The following ADGRL2 variants were observed in gnomAD, a reference collection of about 807,000 sequenced individuals.
ADGRL2 encodes the protein adhesion G protein-coupled receptor L2.
In ADGRL2, 44 loss-of-function variants were observed where a neutral mutation model predicts 157.4. The ratio of observed to expected loss-of-function variants is 0.28; its 90% CI spans 0.22 to 0.36. The LOEUF (loss-of-function observed/expected upper bound fraction) is 0.36, where lower values mean the gene tolerates loss of function less well. Among genes scored for constraint, ADGRL2 ranks in the 10% least tolerant of loss-of-function variants. The pLI is 1.00. For synonymous variants in ADGRL2, 585 were observed against 624.7 expected (o/e 0.94, Z 0.95); for missense variants, 1,510 against 1,768.9 (o/e 0.85, Z 2.63).
At chr1:81,570,615 C>T (rs1184350701) in intron 2 of ADGRL2, among the ~76,000 whole-genome samples, 1 of 152,152 alleles carries the variant, frequency 6.6e-6, no homozygotes, top group African/African-American at 2.4e-5. Flanking sequence ...TCTCGAACTC[C>T]TGACCTCGGG....
rs372448293 is a variant in ADGRL2, at chr1:81,963,057, T to C, written c.2018-3001T>C. 9.9e-5 allele frequency among the ~76,000 whole-genome samples: 15 copies of C among 152,240 alleles called. No homozygotes were observed. In the East Asian group the frequency reaches 1.7e-3, roughly 18 times the overall value. On this transcript the variant is annotated intron_variant, in intron 11 of 23. Coordinates refer to ENST00000686636, the MANE Select transcript of ADGRL2 (RefSeq NM_001366006.2). Reference sequence around the variant, plus strand: ...GTTGCATTCTCCCAAATAACAGCATTATGTAATTCTTCATTTTTTTCTTAG... The same window carrying C: ...GTTGCATTCTCCCAAATAACAGCATCATGTAATTCTTCATTTTTTTCTTAG...
intron 1 of ADGRL2, among the ~76,000 whole-genome samples, chr1:81,339,582 TTG>T (rs1366003879): frequency 8.5e-6 from 1 of 117,802 alleles, no homozygotes; most frequent in African/African-American, 4.4e-5. Context: ...TGGGGTTGTT[TTG>T]TTTGTTTGTT....
At position 81,823,126 on chromosome 1, in the gene ADGRL2, GT is replaced by G. The variant is rs546729662; in HGVS notation, c.-100-13747del. 2.4e-3 allele frequency among the ~76,000 whole-genome samples: 346 copies of G among 144,586 alleles called. 2 individuals are homozygous for G. The highest frequency in any genetic ancestry group is 7.3e-3 in the Middle Eastern group (2 of 274). 94.9% of individuals were successfully genotyped at this position (144,586 alleles called of 152,430 possible). ...TAGGAGGTCTCCGAGTTAGTTCCCAGTTTTTTTTTTTTAATTTAACTTTCTT... is the reference window on the plus strand; with the variant it reads ...TAGGAGGTCTCCGAGTTAGTTCCCAGTTTTTTTTTTTAATTTAACTTTCTT... On this transcript the variant is annotated intron_variant, in intron 1 of 23. Transcript: ENST00000686636.
chr1:81,963,741 T>C (rs1464385199), intron 11 of ADGRL2, among the ~76,000 whole-genome samples: 1 of 151,490 alleles, frequency 6.6e-6, no homozygotes, highest in African/African-American at 2.4e-5. Flanking sequence ...ATTTAATTTG[T>C]CCAGGATATT....
At chr1:81,566,839 AATATTTCTCG>A (rs1461112079) in intron 2 of ADGRL2, among the ~76,000 whole-genome samples, 4 of 152,130 alleles carry the variant, frequency 2.6e-5, no homozygotes, top group Admixed American at 2.0e-4. Context: ...TTATTCTGAA[AATATTTCTCG>A]ATATTTCAGT....
At position 81,836,952 on chromosome 1, in the gene ADGRL2, G is replaced by A; in HGVS notation, c.-33G>A. 1 of 1,323,350 alleles carries A rather than the reference G, an allele frequency of 7.6e-7. No individual in the cohort carries two copies. The highest frequency in any genetic ancestry group is 1.1e-6 in the Non-Finnish European group (1 of 946,322). 82.0% of individuals were successfully genotyped at this position (1,323,350 alleles called of 1,614,324 possible). ...GGGCATTTATAACTAGATTCATTAA[G>A]GAATACAAAGAAAATACTTAAAGGG... On this transcript the variant is annotated 5_prime_UTR_variant, in exon 2 of 24. Transcript: ENST00000686636.
chr1:81,615,201 T>A (rs2081618528), intron 3 of ADGRL2, among the ~76,000 whole-genome samples: 1 of 152,130 alleles, frequency 6.6e-6, no homozygotes, highest in Admixed American at 6.5e-5. Flanking sequence ...GTACTCTGTA[T>A]CTAGCTAAAG....
intron 1 of ADGRL2, among the ~76,000 whole-genome samples, chr1:81,807,663 G>A (rs951961864): frequency 1.3e-5 from 2 of 151,906 alleles, no homozygotes; most frequent in African/African-American, 2.4e-5. Flanking sequence ...GGAGTAACAA[G>A]GGTCTGTCAA....
intron 3 of ADGRL2, among the ~76,000 whole-genome samples, chr1:81,586,531 T>C (rs140144472): frequency 2.1e-4 from 32 of 152,242 alleles, no homozygotes; most frequent in Non-Finnish European, 4.1e-4. Context: ...CTTTTAATAA[T>C]ATACTGGGTT....
chr1:81,975,286 A>G (rs1053605285), intron 17 of ADGRL2, among the ~76,000 whole-genome samples: 9 of 152,226 alleles, frequency 5.9e-5, no homozygotes, highest in Admixed American at 6.6e-5. Flanking sequence ...CCAAGTTTAG[A>G]CAAATGTTTG....
chr1:81,363,431 GA>G (rs2076011988), intron 1 of ADGRL2, among the ~76,000 whole-genome samples: 1 of 152,016 alleles, frequency 6.6e-6, no homozygotes, highest in African/African-American at 2.4e-5. Context: ...ATTAAAAAAA[GA>G]AACAATGTGT....
chr1:81,954,734 G>A (rs557554601), intron 10 of ADGRL2, among the ~76,000 whole-genome samples: 6 of 152,298 alleles, frequency 3.9e-5, no homozygotes, highest in Admixed American at 2.6e-4. Flanking sequence ...CAGGAAGGTC[G>A]TGGTGTCTCA....
At chr1:81,721,239 C>T (rs2084307765) in intron 1 of ADGRL2, among the ~76,000 whole-genome samples, 1 of 151,514 alleles carries the variant, frequency 6.6e-6, no homozygotes, top group South Asian at 2.1e-4. Flanking sequence ...GCATGTCACT[C>T]TCATCTCTGA....
intron 3 of ADGRL2, among the ~76,000 whole-genome samples, chr1:81,918,797 G>A (rs1045766027): frequency 6.6e-6 from 1 of 152,092 alleles, no homozygotes; most frequent in Non-Finnish European, 1.5e-5. Flanking sequence ...GTATTAGAAA[G>A]GAATATCAGG....
intron 1 of ADGRL2, among the ~76,000 whole-genome samples, chr1:81,749,157 ACT>A (rs2085409436): frequency 6.6e-6 from 1 of 151,876 alleles, no homozygotes; most frequent in South Asian, 2.1e-4. Flanking sequence ...TGTTACCTCA[ACT>A]CTTTCTTTCC....
At chr1:81,552,581 G>A (rs1404898330) in intron 2 of ADGRL2, among the ~76,000 whole-genome samples, 3 of 134,254 alleles carry the variant, frequency 2.2e-5, no homozygotes, top group Non-Finnish European at 3.1e-5. Context: ...TGCTAACCAC[G>A]TAGAGTATAT....
chr1:81,755,965 T>C (rs1189102961), intron 1 of ADGRL2, among the ~76,000 whole-genome samples: 1 of 152,168 alleles, frequency 6.6e-6, no homozygotes, highest in Non-Finnish European at 1.5e-5. Flanking sequence ...TAAATTAGGT[T>C]CCTCATTTTA....
At chr1:81,707,870 G>T (rs973994198) in intron 1 of ADGRL2, among the ~76,000 whole-genome samples, 1 of 152,080 alleles carries the variant, frequency 6.6e-6, no homozygotes. Context: ...TGCTGGAAGA[G>T]AATATAATTA....
chr1:81,465,671 T>G, intron 2 of ADGRL2, among the ~76,000 whole-genome samples: 1 of 152,224 alleles, frequency 6.6e-6, no homozygotes, highest in African/African-American at 2.4e-5. Context: ...GTATTTATAG[T>G]GCCTTTGTGT....
Sources: allele counts gnomAD v4.1 joint callset (sites outside exome capture counted in the v4.1 genomes callset), GRCh38; gene constraint gnomAD v4.1.1; transcripts MANE v1.5; gene names NCBI Gene and HGNC (gene_info 2026-07-23, HGNC 2026-07-21).